PLS1: variants seen among roughly 807,000 people sequenced by gnomAD.
PLS1 encodes the protein plastin-1.
PLS1 carries 32 observed loss-of-function variants against 73.7 expected under a neutral mutation model. The observed-to-expected ratio is 0.43, with a 90% CI of 0.33 to 0.58. The LOEUF (loss-of-function observed/expected upper bound fraction) is 0.58, where lower values mean the gene tolerates loss of function less well. Ranked by LOEUF, PLS1 falls within the 20% of genes least tolerant of loss-of-function variation. The pLI is 0.04. For synonymous variants in PLS1, 217 were observed against 261.3 expected, an observed-to-expected ratio of 0.83 and a Z score of 1.63; for missense variants, 633 against 740.5, an observed-to-expected ratio of 0.85 and a Z score of 1.68.
chr3:142,672,065 A>AC (rs1577870734), intron 4 of PLS1, among the ~76,000 whole-genome samples: 1 of 152,262 alleles, frequency 6.6e-6, no homozygotes, highest in East Asian at 1.9e-4. Context: ...CTTTTTAAAG[A>AC]CAAAAAAAAA....
intron 9 of PLS1, 111 bp from the exon 10 acceptor site, chr3:142,689,501 TATTTTG>T (rs1176886706): frequency 1.3e-5 from 6 of 445,066 alleles, no homozygotes; most frequent in African/African-American, 1.2e-4. Context: ...ATTTTGATCT[TATTTTG>T]AGTTATTATT....
At chr3:142,633,101 C>T (rs746124639) in intron 1 of PLS1, among the ~76,000 whole-genome samples, 11 of 152,178 alleles carry the variant, frequency 7.2e-5, no homozygotes, top group Non-Finnish European at 1.0e-4. Context: ...ACCTCAAGGA[C>T]GTTTTACTAA....
intron 4 of PLS1, among the ~76,000 whole-genome samples, chr3:142,674,454 G>A (rs780641042): frequency 2.8e-4 from 42 of 152,308 alleles, no homozygotes; most frequent in Middle Eastern, 3.4e-3. Flanking sequence ...GGCAACAATG[G>A]AGAAGGCCAA....
chr3:142,602,049 A>G (rs1285593129), intron 1 of PLS1, among the ~76,000 whole-genome samples: 1 of 152,076 alleles, frequency 6.6e-6, no homozygotes, highest in Non-Finnish European at 1.5e-5. Flanking sequence ...TGGTGGAACC[A>G]CCAACATTCT....
At chr3:142,649,434 G>A (rs750411737) in intron 1 of PLS1, among the ~76,000 whole-genome samples, 1 of 151,224 alleles carries the variant, frequency 6.6e-6, no homozygotes, top group East Asian at 1.9e-4. Flanking sequence ...TCAGGAGTTC[G>A]AGACCAGCCA....
intron 11 of PLS1, among the ~76,000 whole-genome samples, chr3:142,695,558 A>T (rs1488373890): frequency 3.3e-5 from 5 of 152,170 alleles, no homozygotes; most frequent in Admixed American, 2.0e-4. Flanking sequence ...GTGAGGAGGG[A>T]TTCACTTTTT....
intron 1 of PLS1, among the ~76,000 whole-genome samples, chr3:142,642,084 T>G (rs1457066751): frequency 6.6e-6 from 1 of 152,120 alleles, no homozygotes; most frequent in Non-Finnish European, 1.5e-5. Flanking sequence ...TTGAAAATAT[T>G]TAAAGATTTG....
intron 6 of PLS1, 85 bp from the exon 7 acceptor site, chr3:142,683,921 A>C (rs2037907109): frequency 1.1e-6 from 1 of 876,576 alleles, no homozygotes; most frequent in Admixed American, 2.7e-5. Context: ...GAAATTTGGC[A>C]GTCCATTGTT....
chr3:142,611,939 CTTGT>C (rs2036129103), intron 1 of PLS1, among the ~76,000 whole-genome samples: 1 of 152,070 alleles, frequency 6.6e-6, no homozygotes, highest in Non-Finnish European at 1.5e-5. Context: ...GGTTAAATGA[CTTGT>C]TTAAGGTGAT....
chr3:142,631,625 C>T (rs2036565098), intron 1 of PLS1, among the ~76,000 whole-genome samples: 1 of 121,452 alleles, frequency 8.2e-6, no homozygotes, highest in South Asian at 2.7e-4. Context: ...CATGCCACTG[C>T]AGTCCAGCCT....
intron 1 of PLS1, among the ~76,000 whole-genome samples, chr3:142,607,294 T>A (rs374484852): frequency 4.9e-4 from 72 of 146,030 alleles, no homozygotes; most frequent in East Asian, 5.9e-4. Flanking sequence ...ATATATATAT[T>A]TTTTGAGACG....
chr3:142,626,338 C>T (rs1249914622), intron 1 of PLS1, among the ~76,000 whole-genome samples: 4 of 152,148 alleles, frequency 2.6e-5, no homozygotes, highest in Non-Finnish European at 5.9e-5. Context: ...AGCAAACTCC[C>T]TCGCTGCTGC....
At chr3:142,660,109 G>C (rs56050554) in intron 1 of PLS1, among the ~76,000 whole-genome samples, 16,027 of 152,080 alleles carry the variant, frequency 0.11, 2,781 homozygotes, top group African/African-American at 0.37. Context: ...CCGAGCAGTT[G>C]TTTATGATTG....
At chr3:142,661,107 C>T (rs984962688) in intron 1 of PLS1, among the ~76,000 whole-genome samples, 1 of 152,018 alleles carries the variant, frequency 6.6e-6, no homozygotes, top group African/African-American at 2.4e-5. Flanking sequence ...TCAAAGCCAG[C>T]CACACCACAA....
intron 1 of PLS1, among the ~76,000 whole-genome samples, chr3:142,625,754 G>A (rs757510652): frequency 1.3e-5 from 2 of 152,050 alleles, no homozygotes; most frequent in Admixed American, 6.6e-5. Context: ...CGGGTGGATT[G>A]CTTGAGCCCA....
chr3:142,636,292 C>G (rs2036689011), intron 1 of PLS1, among the ~76,000 whole-genome samples: 1 of 152,114 alleles, frequency 6.6e-6, no homozygotes, highest in Non-Finnish European at 1.5e-5. Flanking sequence ...AATAGGCTCA[C>G]ACATATGGAC....
At chr3:142,620,632 C>T (rs1048943708) in intron 1 of PLS1, among the ~76,000 whole-genome samples, 47 of 152,176 alleles carry the variant, frequency 3.1e-4, no homozygotes, top group African/African-American at 1.1e-3. Context: ...GTTACAGATA[C>T]AACTTTGATT....
chr3:142,643,193 G>A (rs1255199175), intron 1 of PLS1, among the ~76,000 whole-genome samples: 1 of 152,182 alleles, frequency 6.6e-6, no homozygotes, highest in Non-Finnish European at 1.5e-5. Context: ...CCTTGGAGAA[G>A]GGGAGACTGG....
intron 1 of PLS1, among the ~76,000 whole-genome samples, chr3:142,652,317 A>G (rs1022410311): frequency 6.6e-6 from 1 of 152,216 alleles, no homozygotes; most frequent in African/African-American, 2.4e-5. Flanking sequence ...TTTCACCCCT[A>G]CAAATAGTTC....
Sources: gnomAD v4.1 joint callset for allele counts (sites outside exome capture counted in the v4.1 genomes callset) on GRCh38, gnomAD v4.1.1 for gene constraint, MANE v1.5 for transcripts, NCBI Gene and HGNC (gene_info 2026-07-23, HGNC 2026-07-21) for gene names.